The following ZNF385D variants were observed in gnomAD, a reference collection of about 807,000 sequenced individuals.
The protein encoded by ZNF385D is zinc finger protein 385D.
In ZNF385D, 15 loss-of-function variants were observed where a neutral mutation model predicts 35.8. The ratio of observed to expected loss-of-function variants is 0.42; its 90% CI spans 0.28 to 0.64. The LOEUF is 0.64. Among genes scored for constraint, ZNF385D ranks in the 30% least tolerant of loss-of-function variants. ZNF385D has a pLI of 0.23. For missense variants in ZNF385D, 474 were observed against 494.6 expected (o/e 0.96, Z 0.39); for synonymous variants, 212 against 186.8 (o/e 1.13, Z -1.10).
intron 3 of ZNF385D, among the ~76,000 whole-genome samples, chr3:21,808,757 AG>A (rs1287381956): frequency 6.6e-6 from 1 of 152,224 alleles, no homozygotes; most frequent in African/African-American, 2.4e-5. Context: ...TCAGAGTCCC[AG>A]GGGAAACCCT....
intron 3 of ZNF385D, among the ~76,000 whole-genome samples, chr3:22,062,139 G>A (rs1699720756): frequency 6.6e-6 from 1 of 152,140 alleles, no homozygotes; most frequent in African/African-American, 2.4e-5. Flanking sequence ...CTAAGCTCAA[G>A]CAATTCTCCC....
intron 3 of ZNF385D, among the ~76,000 whole-genome samples, chr3:21,806,582 T>TA (rs912056772): frequency 1.3e-5 from 2 of 152,126 alleles, no homozygotes; most frequent in African/African-American, 4.8e-5. Flanking sequence ...TATAAAGAAA[T>TA]AGAGTAGAAT....
At chr3:21,850,147 C>T (rs1696293592) in intron 3 of ZNF385D, among the ~76,000 whole-genome samples, 1 of 95,854 alleles carries the variant, frequency 1.0e-5, no homozygotes, top group Admixed American at 1.3e-4. Context: ...CTTTCAAAGG[C>T]TTAATGGATA....
chr3:21,789,336 C>A (rs113623220), intron 3 of ZNF385D, among the ~76,000 whole-genome samples: 8 of 152,068 alleles, frequency 5.3e-5, no homozygotes, highest in Non-Finnish European at 8.8e-5. Flanking sequence ...AAAATATAAA[C>A]CCCAGAAGAA....
chr3:22,097,969 T>C (rs1435899158), intron 3 of ZNF385D, among the ~76,000 whole-genome samples: 1 of 152,038 alleles, frequency 6.6e-6, no homozygotes. Flanking sequence ...ATACTAATGT[T>C]AACCAATGAC....
intron 1 of ZNF385D, among the ~76,000 whole-genome samples, chr3:21,671,856 TG>T (rs1393550462): frequency 6.6e-6 from 1 of 152,136 alleles, no homozygotes; most frequent in Non-Finnish European, 1.5e-5. Context: ...ATCCCCAGCA[TG>T]GGAACATGCT....
intron 3 of ZNF385D, among the ~76,000 whole-genome samples, chr3:21,919,920 G>A (rs1198383825): frequency 3.3e-5 from 5 of 152,028 alleles, no homozygotes; most frequent in East Asian, 1.9e-4. Context: ...AAAGACTTTC[G>A]TGTGCCTTAC....
At chr3:21,845,977 A>T (rs1296772371) in intron 3 of ZNF385D, among the ~76,000 whole-genome samples, 2 of 152,044 alleles carry the variant, frequency 1.3e-5, no homozygotes, top group Non-Finnish European at 2.9e-5. Flanking sequence ...TACTTAAAGC[A>T]TGCTCACCCT....
intron 3 of ZNF385D, among the ~76,000 whole-genome samples, chr3:21,870,017 AAAC>A (rs1697601146): frequency 1.3e-5 from 2 of 152,162 alleles, no homozygotes; most frequent in African/African-American, 2.4e-5. Flanking sequence ...TTTTTTTAAA[AAAC>A]AACTTTCTCA....
intron 2 of ZNF385D, among the ~76,000 whole-genome samples, chr3:21,575,974 A>G (rs2063485933): frequency 1.3e-5 from 2 of 152,322 alleles, no homozygotes; most frequent in Non-Finnish European, 2.9e-5. Flanking sequence ...CTTAGGCTTA[A>G]AAAGGTGGAA....
intron 2 of ZNF385D, among the ~76,000 whole-genome samples, chr3:22,208,226 C>T (rs548201919): frequency 6.6e-6 from 1 of 151,770 alleles, no homozygotes; most frequent in Non-Finnish European, 1.5e-5. Context: ...AGAAAATGTG[C>T]TACATATACA....
intron 3 of ZNF385D, among the ~76,000 whole-genome samples, chr3:22,048,961 T>C (rs1344571110): frequency 6.6e-6 from 1 of 152,182 alleles, no homozygotes; most frequent in Non-Finnish European, 1.5e-5. Context: ...ACTATTTTCT[T>C]GACTTTTTCT....
intron 3 of ZNF385D, among the ~76,000 whole-genome samples, chr3:21,759,980 G>C (rs2070529293): frequency 6.6e-6 from 1 of 152,154 alleles, no homozygotes; most frequent in Admixed American, 6.5e-5. Flanking sequence ...GCATAATTCT[G>C]TGCCTCCAGT....
chr3:22,098,523 C>T (rs1701755968), intron 3 of ZNF385D, among the ~76,000 whole-genome samples: 1 of 152,046 alleles, frequency 6.6e-6, no homozygotes, highest in South Asian at 2.1e-4. Flanking sequence ...TAACTACTCT[C>T]TAGCTGTCAT....
At chr3:22,236,672 A>G (rs1026868298) in intron 2 of ZNF385D, among the ~76,000 whole-genome samples, 6 of 152,168 alleles carry the variant, frequency 3.9e-5, no homozygotes, top group Non-Finnish European at 7.3e-5. Context: ...CATTTTCATC[A>G]CTACAAAATG....
chr3:22,129,017 G>A (rs1262960531), intron 3 of ZNF385D, among the ~76,000 whole-genome samples: 1 of 152,054 alleles, frequency 6.6e-6, no homozygotes, highest in East Asian at 1.9e-4. Flanking sequence ...CTAAGTCTTT[G>A]GTCACTGCAG....
At position 21,512,145 on chromosome 3, in the gene ZNF385D, CAA is replaced by C. The variant is rs35276805; in HGVS notation, c.277-1124_277-1123del. Among the ~76,000 whole-genome samples the C allele has an allele frequency of 2.1e-3, 190 of 90,316 alleles. 1 individual carries two copies. The highest frequency in any genetic ancestry group is 0.01 in the South Asian group (22 of 2,200). 59.3% of individuals were successfully genotyped at this position (90,316 alleles called of 152,430 possible). A position where few individuals can be genotyped will look rare whatever the true frequency, so the allele number is the denominator to read the frequency against. On this transcript the variant is annotated intron_variant, in intron 3 of 7. Transcript: ENST00000281523. Reference sequence around the variant, plus strand: ...CTGGTGACAGAGCGAGACTCCATCTCAAAAAAAAAAAAAAAAAAAGAAGTACA... The same window carrying C: ...CTGGTGACAGAGCGAGACTCCATCTCAAAAAAAAAAAAAAAAAGAAGTACA...
intron 3 of ZNF385D, among the ~76,000 whole-genome samples, chr3:21,784,443 G>C (rs2071607894): frequency 6.6e-6 from 1 of 151,994 alleles, no homozygotes; most frequent in Non-Finnish European, 1.5e-5. Flanking sequence ...ATAGATTTCA[G>C]ATAAATGGAA....
intron 3 of ZNF385D, among the ~76,000 whole-genome samples, chr3:22,001,770 A>AT (rs1220417466): frequency 1.3e-5 from 2 of 151,998 alleles, no homozygotes; most frequent in African/African-American, 4.8e-5. Context: ...CCTATAAAGT[A>AT]TTTTTTCAGA....
Sources: allele counts gnomAD v4.1 joint callset (sites outside exome capture counted in the v4.1 genomes callset), GRCh38; gene constraint gnomAD v4.1.1; transcripts MANE v1.5; gene names NCBI Gene and HGNC (gene_info 2026-07-23, HGNC 2026-07-21).